CDK19: variants seen among roughly 807,000 people sequenced by gnomAD.
The protein encoded by CDK19 is cyclin-dependent kinase 19.
CDK19 carries 20 observed loss-of-function variants against 68.3 expected under a neutral mutation model. That is an observed-to-expected ratio of 0.29 (90% CI 0.21 to 0.43). The LOEUF (loss-of-function observed/expected upper bound fraction) is 0.43, where lower values mean the gene tolerates loss of function less well. Among genes scored for constraint, CDK19 ranks in the 20% least tolerant of loss-of-function variants. The pLI is 1.00. For synonymous variants in CDK19, 221 were observed against 222.8 expected (o/e 0.99, Z 0.07); for missense variants, 339 against 623.5 (o/e 0.54, Z 4.86).
intron 2 of CDK19, among the ~76,000 whole-genome samples, chr6:110,735,445 T>G (rs1160360066): frequency 6.6e-6 from 1 of 152,158 alleles, no homozygotes; most frequent in East Asian, 1.9e-4. Flanking sequence ...AAGCACCATA[T>G]AGACAGATTC....
At chr6:110,767,752 T>C (rs1401932754) in intron 1 of CDK19, among the ~76,000 whole-genome samples, 1 of 152,158 alleles carries the variant, frequency 6.6e-6, no homozygotes, top group African/African-American at 2.4e-5. Flanking sequence ...TTACACATTG[T>C]ATACATGTAC....
At chr6:110,745,536 T>C (rs1194836896) in intron 2 of CDK19, among the ~76,000 whole-genome samples, 2 of 152,026 alleles carry the variant, frequency 1.3e-5, no homozygotes, top group African/African-American at 2.4e-5. Context: ...TACAGAAAAA[T>C]AGACATTAAT....
chr6:110,802,515 G>A (rs1411145533), intron 1 of CDK19, among the ~76,000 whole-genome samples: 1 of 152,146 alleles, frequency 6.6e-6, no homozygotes, highest in Non-Finnish European at 1.5e-5. Flanking sequence ...GACAGACACT[G>A]GGGACTCCAA....
chr6:110,692,438 A>G (rs1773085491), intron 2 of CDK19, among the ~76,000 whole-genome samples: 1 of 151,714 alleles, frequency 6.6e-6, no homozygotes, highest in Non-Finnish European at 1.5e-5. Context: ...CACAAAAGGA[A>G]AAAAAAAAGA....
At chr6:110,705,591 C>A (rs933288779) in intron 2 of CDK19, among the ~76,000 whole-genome samples, 1 of 152,156 alleles carries the variant, frequency 6.6e-6, no homozygotes, top group African/African-American at 2.4e-5. Flanking sequence ...CTATTTAAGG[C>A]ACAGGATTAC....
At chr6:110,658,323 C>G (rs1781427032) in intron 4 of CDK19, among the ~76,000 whole-genome samples, 1 of 152,158 alleles carries the variant, frequency 6.6e-6, no homozygotes, top group Non-Finnish European at 1.5e-5. Context: ...TCCAAAATCA[C>G]CTAAAATAGC....
intron 5 of CDK19, among the ~76,000 whole-genome samples, chr6:110,635,515 C>G (rs906754433): frequency 6.6e-6 from 1 of 152,108 alleles, no homozygotes; most frequent in African/African-American, 2.4e-5. Flanking sequence ...GTTTTCCATG[C>G]AAGTATCCTT....
At chr6:110,766,067 T>C (rs1242202519) in intron 1 of CDK19, among the ~76,000 whole-genome samples, 1 of 151,968 alleles carries the variant, frequency 6.6e-6, no homozygotes, top group Non-Finnish European at 1.5e-5. Context: ...AAAATAGAAA[T>C]ACCATATGAT....
intron 2 of CDK19, among the ~76,000 whole-genome samples, chr6:110,726,191 T>A (rs980263351): frequency 5.9e-5 from 9 of 152,184 alleles, no homozygotes; most frequent in African/African-American, 2.2e-4. Flanking sequence ...CATGTTATAA[T>A]CATGCAGCAA....
chr6:110,792,691 C>CT (rs1262762556), intron 1 of CDK19, among the ~76,000 whole-genome samples: 1 of 152,196 alleles, frequency 6.6e-6, no homozygotes, highest in Non-Finnish European at 1.5e-5. Context: ...ATGGCGAATA[C>CT]TTTTTTATAA....
intron 5 of CDK19, among the ~76,000 whole-genome samples, chr6:110,638,356 A>G (rs1326097297): frequency 6.6e-6 from 1 of 152,208 alleles, no homozygotes; most frequent in Admixed American, 6.5e-5. Context: ...GTGGCTGTGC[A>G]GGACAGTGGT....
intron 4 of CDK19, among the ~76,000 whole-genome samples, chr6:110,649,637 T>C (rs1400002628): frequency 6.6e-6 from 1 of 151,996 alleles, no homozygotes; most frequent in Non-Finnish European, 1.5e-5. Context: ...AATAAAGAAC[T>C]CCTACAAGTC....
chr6:110,614,358 T>G lies in CDK19; in HGVS notation c.*177A>C. ...TGGGGAAACTTCACAAGAATCTTCT[T>G]TAAGTCAATAAAGAAGAGCTATCAG... On this transcript the variant is annotated 3_prime_UTR_variant, in exon 13 of 13. Coordinates refer to ENST00000368911, the MANE Select transcript of CDK19 (RefSeq NM_015076.5). 2.1e-6 allele frequency: 1 copy of G among 480,002 alleles called. No homozygotes were observed. The highest frequency in any genetic ancestry group is 6.0e-5 in the South Asian group (1 of 16,652). The allele number at this position is 480,002 out of a possible 1,614,324, so 29.7% of individuals were successfully genotyped here. A position where few individuals can be genotyped will look rare whatever the true frequency, so the allele number is the denominator to read the frequency against.
rs558865860 is a variant in CDK19 at position 110,682,032 on chromosome 6, G to A, written c.205-11491C>T. The stretch of plus-strand genomic sequence containing the variant: ...AGACTAAAAATTCCAGAATCCATTC[G>A]TATTTTTATGTATACATCTTTCTTC... On this transcript the variant is annotated intron_variant, in intron 2 of 12. Coordinates refer to ENST00000368911, the MANE Select transcript of CDK19 (RefSeq NM_015076.5). 1.2e-3 allele frequency among the ~76,000 whole-genome samples: 181 copies of A among 152,226 alleles called. 1 individual carries two copies. Among genetic ancestry groups the A allele is most frequent in the African/African-American group, 4.2e-3 (174 of 41,542 alleles).
At chr6:110,772,523 G>C (rs1780092375) in intron 1 of CDK19, among the ~76,000 whole-genome samples, 1 of 152,122 alleles carries the variant, frequency 6.6e-6, no homozygotes, top group East Asian at 1.9e-4. Context: ...ATAATTTCCA[G>C]AAGCCCCTAA....
chr6:110,804,067 T>C (rs802686), intron 1 of CDK19, among the ~76,000 whole-genome samples: 23,765 of 152,068 alleles, frequency 0.16, 2,062 homozygotes, highest in East Asian at 0.32. Flanking sequence ...GGACTTACCT[T>C]TCTGTCCAAA....
intron 2 of CDK19, among the ~76,000 whole-genome samples, chr6:110,699,204 C>G (rs1773770941): frequency 6.6e-6 from 1 of 152,060 alleles, no homozygotes; most frequent in Non-Finnish European, 1.5e-5. Context: ...GCAGGTGGAT[C>G]ACCTGAGGTC....
intron 2 of CDK19, chr6:110,700,635 T>A (rs2114632960): frequency 6.5e-6 from 1 of 152,986 alleles, no homozygotes; most frequent in East Asian, 1.9e-4. Context: ...ATAAAACCCC[T>A]GGAGAAGGTG....
chr6:110,799,298 A>G (rs946374876), intron 1 of CDK19, among the ~76,000 whole-genome samples: 4 of 152,144 alleles, frequency 2.6e-5, no homozygotes, highest in Non-Finnish European at 5.9e-5. Context: ...ATCATCAACA[A>G]TTAGGCCTTA....
Sources: allele counts gnomAD v4.1 joint callset (sites outside exome capture counted in the v4.1 genomes callset), GRCh38; gene constraint gnomAD v4.1.1; transcripts MANE v1.5; gene names NCBI Gene and HGNC (gene_info 2026-07-23, HGNC 2026-07-21).